Variants in FHIT observed in about 807,000 individuals in gnomAD.
FHIT encodes the protein fragile histidine triad diadenosine triphosphatase.
A neutral mutation model predicts 17.9 loss-of-function variants in FHIT; 19 were observed. The observed-to-expected ratio is 1.06, with a 90% CI of 0.74 to 1.56. The LOEUF is 1.56. FHIT is among the 40% of genes most tolerant of loss of function. FHIT has a pLI of 0.00. For missense variants in FHIT, 248 were observed against 189.2 expected (o/e 1.31, Z -1.82); for synonymous variants, 81 against 69.7 (o/e 1.16, Z -0.81).
intron 7 of FHIT, among the ~76,000 whole-genome samples, chr3:60,008,436 C>A (rs1443806344): frequency 3.3e-5 from 5 of 151,960 alleles, no homozygotes; most frequent in Non-Finnish European, 5.9e-5. Flanking sequence ...TAAGCAAGGC[C>A]ACGCTTGTTC....
intron 5 of FHIT, among the ~76,000 whole-genome samples, chr3:60,497,886 G>A (rs1020125434): frequency 6.6e-6 from 1 of 152,170 alleles, no homozygotes; most frequent in African/African-American, 2.4e-5. Flanking sequence ...AAACAACTTT[G>A]AGATCAACCA....
chr3:61,194,009 G>T (rs377538262), intron 2 of FHIT, among the ~76,000 whole-genome samples: 1 of 151,544 alleles, frequency 6.6e-6, no homozygotes, highest in Admixed American at 6.6e-5. Flanking sequence ...AGAACAAAAG[G>T]GGTGTGTTCT....
At chr3:59,982,778 G>A (rs1209941741) in intron 7 of FHIT, among the ~76,000 whole-genome samples, 2 of 152,232 alleles carry the variant, frequency 1.3e-5, no homozygotes, top group East Asian at 3.9e-4. Context: ...AGCAGGCCTA[G>A]ACCAGCACAT....
At chr3:60,453,668 T>A (rs907409269) in intron 5 of FHIT, among the ~76,000 whole-genome samples, 9 of 152,138 alleles carry the variant, frequency 5.9e-5, no homozygotes, top group Non-Finnish European at 1.3e-4. Flanking sequence ...CTTCACCACC[T>A]GGAAAATGGG....
intron 4 of FHIT, among the ~76,000 whole-genome samples, chr3:60,724,446 C>T (rs1428191412): frequency 6.6e-6 from 1 of 152,114 alleles, no homozygotes; most frequent in African/African-American, 2.4e-5. Flanking sequence ...TGAACATTTG[C>T]ATACAATTTT....
intron 5 of FHIT, among the ~76,000 whole-genome samples, chr3:60,019,259 T>C (rs1700461865): frequency 6.6e-6 from 1 of 152,136 alleles, no homozygotes; most frequent in African/African-American, 2.4e-5. Flanking sequence ...AAGGTAGAGA[T>C]ATTCTGTCTT....
At chr3:61,037,837 A>T (rs2033332041) in intron 3 of FHIT, among the ~76,000 whole-genome samples, 1 of 152,240 alleles carries the variant, frequency 6.6e-6, no homozygotes, top group African/African-American at 2.4e-5. Flanking sequence ...CCATGAGACA[A>T]ATACATTTCT....
intron 4 of FHIT, among the ~76,000 whole-genome samples, chr3:60,650,449 G>A (rs1457827971): frequency 6.6e-6 from 1 of 152,114 alleles, no homozygotes; most frequent in Non-Finnish European, 1.5e-5. Context: ...TCAGTCCACT[G>A]TTTATCACTT....
At chr3:61,025,499 G>A (rs1263441569) in intron 3 of FHIT, among the ~76,000 whole-genome samples, 1 of 152,004 alleles carries the variant, frequency 6.6e-6, no homozygotes, top group African/African-American at 2.4e-5. Context: ...TAAGCACATT[G>A]AACATGAAAA....
At chr3:60,389,342 C>A (rs929489604) in intron 5 of FHIT, among the ~76,000 whole-genome samples, 1 of 152,098 alleles carries the variant, frequency 6.6e-6, no homozygotes, top group Admixed American at 6.6e-5. Flanking sequence ...GGTAACGGTG[C>A]CTTTGAACAC....
At chr3:60,459,875 G>A (rs950537836) in intron 5 of FHIT, among the ~76,000 whole-genome samples, 1 of 152,136 alleles carries the variant, frequency 6.6e-6, no homozygotes, top group Non-Finnish European at 1.5e-5. Context: ...AATATATTGG[G>A]GTTGGGGAGG....
chr3:60,643,235 C>CT (rs1553685842), intron 4 of FHIT, among the ~76,000 whole-genome samples: 1 of 151,908 alleles, frequency 6.6e-6, no homozygotes, highest in African/African-American at 2.4e-5. Context: ...ATTTTGTTTT[C>CT]TTTCCCCCAC....
At chr3:61,036,422 G>A (rs907193958) in intron 3 of FHIT, among the ~76,000 whole-genome samples, 6 of 151,892 alleles carry the variant, frequency 4.0e-5, no homozygotes, top group East Asian at 1.9e-4. Flanking sequence ...ATCACTAACC[G>A]AGTGTTCAGA....
intron 4 of FHIT, among the ~76,000 whole-genome samples, chr3:60,743,182 T>G (rs1553714346): frequency 6.6e-6 from 1 of 152,236 alleles, no homozygotes; most frequent in Non-Finnish European, 1.5e-5. Context: ...TTTTAGGCTC[T>G]GAGCTGCTTT....
At chr3:60,506,747 C>T (rs1017896990) in intron 5 of FHIT, among the ~76,000 whole-genome samples, 7 of 151,924 alleles carry the variant, frequency 4.6e-5, no homozygotes, top group Admixed American at 6.6e-5. Context: ...CTTCAGCCTG[C>T]GTAAATGGAA....
At chr3:60,521,554 A>C (rs138763977) in intron 5 of FHIT, among the ~76,000 whole-genome samples, 2 of 152,252 alleles carry the variant, frequency 1.3e-5, no homozygotes, top group South Asian at 4.1e-4. Context: ...GCCAAAAGTT[A>C]TAATTATTAT....
At chr3:59,778,963 A>C (rs1281079564) in intron 8 of FHIT, among the ~76,000 whole-genome samples, 2 of 152,200 alleles carry the variant, frequency 1.3e-5, no homozygotes, top group Non-Finnish European at 2.9e-5. Flanking sequence ...ACTTAACCTG[A>C]CAAAGACTAA....
At chr3:61,006,033 A>T (rs968810178) in intron 3 of FHIT, among the ~76,000 whole-genome samples, 6 of 152,084 alleles carry the variant, frequency 3.9e-5, no homozygotes, top group African/African-American at 7.2e-5. Flanking sequence ...GGTGGTAAGT[A>T]GGGAGCAGGA....
intron 8 of FHIT, among the ~76,000 whole-genome samples, chr3:59,816,982 C>T (rs1700621528): frequency 1.3e-5 from 2 of 152,070 alleles, no homozygotes; most frequent in Non-Finnish European, 2.9e-5. Flanking sequence ...CTCGTGGGAC[C>T]TAAACAAAAG....
Sources: allele counts gnomAD v4.1 joint callset (sites outside exome capture counted in the v4.1 genomes callset), GRCh38; gene constraint gnomAD v4.1.1; transcripts MANE v1.5; gene names NCBI Gene and HGNC (gene_info 2026-07-23, HGNC 2026-07-21).